Variants in ME3 observed in about 807,000 individuals in gnomAD.
ME3 encodes the protein NADP-dependent malic enzyme, mitochondrial.
Under a neutral mutation model 68.9 loss-of-function variants are expected in ME3, and 48 were observed. That is an observed-to-expected ratio of 0.70 (90% confidence interval 0.55 to 0.89). The LOEUF is 0.89. ME3 is among the 40% of genes least tolerant of loss of function. The probability of loss-of-function intolerance (pLI) is 0.00; values close to 1 mark genes in which losing one functional copy is unlikely to be tolerated. For missense variants in ME3, 675 were observed against 797.4 expected, an observed-to-expected ratio of 0.85 and a Z score of 1.85; for synonymous variants, 320 against 318.8, an observed-to-expected ratio of 1.00 and a Z score of -0.04.
In ME3 at chr11:86,657,934, T is replaced by C. The variant is rs188913535; in HGVS notation, c.183+13828A>G. ...ATGGACAGGGATTCAGGGATGCAAG[T>C]AAAGAAGACATGAGTTCTAGGACAG... On this transcript the variant is annotated intron_variant, in intron 2 of 14. Coordinates refer to ENST00000543262, the Ensembl canonical transcript of ME3. 2.8e-4 allele frequency among the ~76,000 whole-genome samples: 42 copies of C among 152,176 alleles called. No individual in the cohort carries two copies. In the East Asian group the frequency reaches 6.0e-3, roughly 22 times the overall value.
At chr11:86,558,916 T>G (rs1195780849) in intron 3 of ME3, among the ~76,000 whole-genome samples, 2 of 152,162 alleles carry the variant, frequency 1.3e-5, no homozygotes, top group Non-Finnish European at 2.9e-5. Flanking sequence ...GAATATAGAT[T>G]TGAACTCAGT....
chr11:86,513,962 T>C (rs774748811), intron 4 of ME3, among the ~76,000 whole-genome samples: 20 of 152,140 alleles, frequency 1.3e-4, no homozygotes, highest in African/African-American at 4.1e-4. Flanking sequence ...CCCACCCAAA[T>C]CTCATCTTGA....
intron 8 of ME3, among the ~76,000 whole-genome samples, chr11:86,460,036 C>T (rs1950153789): frequency 6.6e-6 from 1 of 152,220 alleles, no homozygotes; most frequent in Admixed American, 6.5e-5. Context: ...CTCCTTCCTT[C>T]CCCTGTCCCC....
intron 5 of ME3, among the ~76,000 whole-genome samples, chr11:86,507,209 G>A (rs556412951): frequency 1.1e-4 from 17 of 152,276 alleles, no homozygotes; most frequent in African/African-American, 3.9e-4. Context: ...AGGGTGGAGG[G>A]GCTCAGGGAA....
intron 4 of ME3, among the ~76,000 whole-genome samples, chr11:86,525,497 G>A (rs1041742694): frequency 4.0e-5 from 6 of 150,766 alleles, no homozygotes; most frequent in South Asian, 4.2e-4. Flanking sequence ...AAAGGCTAAC[G>A]TGGCTGAATG....
chr11:86,514,307 T>G (rs1953741758), intron 4 of ME3, among the ~76,000 whole-genome samples: 1 of 152,198 alleles, frequency 6.6e-6, no homozygotes, highest in Non-Finnish European at 1.5e-5. Context: ...AGCATGAGAA[T>G]GGACTGATAC....
intron 2 of ME3, among the ~76,000 whole-genome samples, chr11:86,615,383 A>G (rs1942887159): frequency 6.6e-6 from 1 of 152,214 alleles, no homozygotes; most frequent in South Asian, 2.1e-4. Context: ...CCCAATTCTC[A>G]TAAAGTACAT....
intron 2 of ME3, among the ~76,000 whole-genome samples, chr11:86,665,723 A>G (rs374777822): frequency 2.5e-4 from 38 of 152,326 alleles, no homozygotes; most frequent in East Asian, 7.7e-4. Context: ...AAGCAGAGAG[A>G]TGCTGGAGGC....
At chr11:86,669,130 A>T (rs1039297941) in intron 2 of ME3, among the ~76,000 whole-genome samples, 2 of 152,140 alleles carry the variant, frequency 1.3e-5, no homozygotes, top group African/African-American at 2.4e-5. Flanking sequence ...AGAGGGTGGC[A>T]CTCCAGTGGG....
chr11:86,512,918 A>G (rs182615707), intron 4 of ME3, among the ~76,000 whole-genome samples: 13 of 152,342 alleles, frequency 8.5e-5, no homozygotes, highest in Admixed American at 2.0e-4. Flanking sequence ...AGCTCTAAAA[A>G]CAGGGCACAA....
intron 4 of ME3, among the ~76,000 whole-genome samples, chr11:86,527,572 A>G (rs993211461): frequency 6.6e-6 from 1 of 152,336 alleles, no homozygotes; most frequent in South Asian, 2.1e-4. Flanking sequence ...ACCAAAGTTG[A>G]AATGAAGGAA....
At chr11:86,499,494 T>C (rs1283779997) in intron 5 of ME3, among the ~76,000 whole-genome samples, 1 of 152,152 alleles carries the variant, frequency 6.6e-6, no homozygotes, top group African/African-American at 2.4e-5. Flanking sequence ...AGGGTTTGGT[T>C]AAATCCATGA....
intron 2 of ME3, among the ~76,000 whole-genome samples, chr11:86,617,958 G>C (rs146826714): frequency 6.6e-6 from 1 of 152,088 alleles, no homozygotes; most frequent in Non-Finnish European, 1.5e-5. Context: ...AGCATGGCCA[G>C]AAACCATTAT....
chr11:86,563,020 A>G (rs545655341), intron 2 of ME3, among the ~76,000 whole-genome samples: 10 of 152,296 alleles, frequency 6.6e-5, no homozygotes, highest in South Asian at 2.1e-4. Context: ...TTAAGGCTGC[A>G]TAGTATTCCA....
chr11:86,522,248 T>TCAAA (rs67315994), intron 4 of ME3, among the ~76,000 whole-genome samples: 2,391 of 150,108 alleles, frequency 0.016, 33 homozygotes, highest in Non-Finnish European at 0.024. Context: ...AGACTCTGTC[T>TCAAA]CAAACAAACA....
chr11:86,634,151 G>A (rs1944189719), intron 2 of ME3, among the ~76,000 whole-genome samples: 1 of 152,190 alleles, frequency 6.6e-6, no homozygotes, highest in African/African-American at 2.4e-5. Flanking sequence ...GAAGAGTAGA[G>A]GGAGGAGAGA....
intron 2 of ME3, among the ~76,000 whole-genome samples, chr11:86,627,264 A>T (rs1195386633): frequency 1.3e-5 from 2 of 152,350 alleles, no homozygotes; most frequent in East Asian, 3.9e-4. Context: ...TGTGGCAAGG[A>T]TTAAATGATC....
At chr11:86,656,699 G>A (rs1251309328) in intron 2 of ME3, among the ~76,000 whole-genome samples, 3 of 152,012 alleles carry the variant, frequency 2.0e-5, no homozygotes, top group Admixed American at 2.0e-4. Flanking sequence ...GTATACATAT[G>A]TAACAAACCT....
chr11:86,465,120 T>G (rs1289303030), exon 8 of ME3: 3 of 1,613,654 alleles, frequency 1.9e-6, no homozygotes, highest in Non-Finnish European at 2.5e-6. Flanking sequence ...CATGCAGTAC[T>G]TGTTACGGTA....
Sources: gnomAD v4.1 joint callset for allele counts (sites outside exome capture counted in the v4.1 genomes callset) on GRCh38, gnomAD v4.1.1 for gene constraint, MANE v1.5 for transcripts, NCBI Gene and HGNC (gene_info 2026-07-23, HGNC 2026-07-21) for gene names.